The following TRIO variants were observed in gnomAD, a reference collection of about 807,000 sequenced individuals.
The protein encoded by TRIO is trio Rho guanine nucleotide exchange factor.
TRIO carries 58 observed loss-of-function variants against 351.9 expected under a neutral mutation model. The ratio of observed to expected loss-of-function variants is 0.16; its 90% CI spans 0.13 to 0.21. TRIO has a LOEUF of 0.21. TRIO is among the 10% of genes least tolerant of loss of function. The probability of loss-of-function intolerance (pLI) is 1.00; values close to 1 mark genes in which losing one functional copy is unlikely to be tolerated. For missense variants in TRIO, 3,201 were observed against 4,027.8 expected (o/e 0.79, Z 5.56); for synonymous variants, 1,758 against 1,595.7 (o/e 1.10, Z -2.42).
At chr5:14,368,963 A>T in intron 17 of TRIO, 64 bp downstream of exon 17, 1 of 1,529,320 alleles carries the variant, frequency 6.5e-7, no homozygotes, top group Non-Finnish European at 8.9e-7. Flanking sequence ...AATTTATTGG[A>T]CAGCTCAATC....
chr5:14,430,949 T>C (rs541940664), intron 34 of TRIO, among the ~76,000 whole-genome samples: 58 of 152,272 alleles, frequency 3.8e-4, no homozygotes, highest in African/African-American at 1.3e-3. Context: ...TGACCTCAGG[T>C]GATCCGCCTT....
chr5:14,443,104 G>A (rs1752190395), intron 34 of TRIO, among the ~76,000 whole-genome samples: 1 of 151,992 alleles, frequency 6.6e-6, no homozygotes, highest in Admixed American at 6.5e-5. Context: ...AAGTACTAGA[G>A]GATAATTGTG....
intron 1 of TRIO, among the ~76,000 whole-genome samples, chr5:14,190,555 G>A (rs932471420): frequency 4.6e-5 from 7 of 152,126 alleles, no homozygotes; most frequent in East Asian, 1.9e-4. Context: ...ATTTGGTGCC[G>A]TGGAAGCGTC....
chr5:14,194,771 T>G (rs1258430312), intron 1 of TRIO, among the ~76,000 whole-genome samples: 1 of 152,260 alleles, frequency 6.6e-6, no homozygotes, highest in Non-Finnish European at 1.5e-5. Context: ...TACACACATA[T>G]ATGCATACGT....
At chr5:14,215,715 A>G (rs1022817986) in intron 1 of TRIO, among the ~76,000 whole-genome samples, 5 of 152,186 alleles carry the variant, frequency 3.3e-5, no homozygotes, top group African/African-American at 1.2e-4. Flanking sequence ...TCTTGCTTGT[A>G]TGTACAAATC....
chr5:14,195,511 T>G (rs1278250278), intron 1 of TRIO, among the ~76,000 whole-genome samples: 1 of 152,246 alleles, frequency 6.6e-6, no homozygotes, highest in Non-Finnish European at 1.5e-5. Flanking sequence ...ATGAAGTGTC[T>G]TGAGATTCTC....
intron 3 of TRIO, among the ~76,000 whole-genome samples, chr5:14,281,437 G>C (rs1823008): frequency 0.42 from 27,694 of 65,778 alleles, 3,653 homozygotes; most frequent in Middle Eastern, 0.49. Context: ...CCCCCCCCCC[G>C]CCCCGTGATC....
At chr5:14,344,987 AT>A (rs528273430) in intron 11 of TRIO, among the ~76,000 whole-genome samples, 14 of 151,748 alleles carry the variant, frequency 9.2e-5, no homozygotes, top group African/African-American at 2.2e-4. Flanking sequence ...GAAATAAGTG[AT>A]TTTTTTTTCC....
At chr5:14,370,293 T>A (rs1260514815) in intron 18 of TRIO, among the ~76,000 whole-genome samples, 1 of 152,184 alleles carries the variant, frequency 6.6e-6, no homozygotes, top group Admixed American at 6.5e-5. Context: ...TTTATAAATG[T>A]CACATTTAGT....
At chr5:14,262,072 C>A (rs1795382696) in intron 1 of TRIO, among the ~76,000 whole-genome samples, 1 of 152,192 alleles carries the variant, frequency 6.6e-6, no homozygotes, top group Non-Finnish European at 1.5e-5. Context: ...TGAGGTTTAA[C>A]TAGCTGGGTG....
At chr5:14,425,504 T>A (rs1750568673) in intron 34 of TRIO, among the ~76,000 whole-genome samples, 2 of 152,270 alleles carry the variant, frequency 1.3e-5, no homozygotes, top group Admixed American at 1.3e-4. Flanking sequence ...TGAATAATGC[T>A]GCTATGAACA....
intron 1 of TRIO, among the ~76,000 whole-genome samples, chr5:14,224,218 G>A (rs912313548): frequency 2.0e-5 from 3 of 151,942 alleles, no homozygotes; most frequent in East Asian, 1.9e-4. Context: ...TATGTGAAGC[G>A]AGGACCCTAC....
At chr5:14,403,346 C>T (rs1374726819) in intron 31 of TRIO, among the ~76,000 whole-genome samples, 13 of 32,482 alleles carry the variant, frequency 4.0e-4, no homozygotes, top group South Asian at 1.1e-3. Flanking sequence ...GGTGAGGGTG[C>T]AGCTTGTGAG....
intron 1 of TRIO, among the ~76,000 whole-genome samples, chr5:14,268,198 T>C (rs1795795396): frequency 6.6e-6 from 1 of 152,164 alleles, no homozygotes; most frequent in South Asian, 2.1e-4. Context: ...ACATAGGAAA[T>C]TGAGACATTT....
intron 21 of TRIO, among the ~76,000 whole-genome samples, chr5:14,385,049 G>A (rs1746418186): frequency 6.6e-6 from 1 of 152,200 alleles, no homozygotes; most frequent in Admixed American, 6.5e-5. Context: ...ACCACACTGA[G>A]TTCATTTCAC....
At chr5:14,192,138 CAT>C (rs1475857729) in intron 1 of TRIO, among the ~76,000 whole-genome samples, 2 of 152,186 alleles carry the variant, frequency 1.3e-5, no homozygotes, top group African/African-American at 4.8e-5. Flanking sequence ...TGCATTGAGC[CAT>C]ATATACATTA....
At chr5:14,299,894 C>T (rs182758516) in intron 7 of TRIO, among the ~76,000 whole-genome samples, 10 of 152,346 alleles carry the variant, frequency 6.6e-5, no homozygotes, top group Middle Eastern at 3.4e-3. Context: ...CTGCACCGTC[C>T]GGCCCTGCCC....
At chr5:14,480,074 G>T in intron 43 of TRIO, 63 bp downstream of exon 43, 6 of 1,491,588 alleles carry the variant, frequency 4.0e-6, no homozygotes, top group Non-Finnish European at 5.6e-6. Flanking sequence ...ATAAGACTCA[G>T]TTGGGGAAAG....
At chr5:14,379,363 C>G (rs1745861874) in intron 20 of TRIO, among the ~76,000 whole-genome samples, 1 of 152,200 alleles carries the variant, frequency 6.6e-6, no homozygotes. Context: ...AGGAACAGCT[C>G]TTGTTCCAAT....
Sources: gnomAD v4.1 joint callset for allele counts (sites outside exome capture counted in the v4.1 genomes callset) on GRCh38, gnomAD v4.1.1 for gene constraint, MANE v1.5 for transcripts, NCBI Gene and HGNC (gene_info 2026-07-23, HGNC 2026-07-21) for gene names.